Variants in FBN2 observed in about 807,000 individuals in gnomAD.
The protein encoded by FBN2 is fibrillin 2, also known as fibrillin-2.
Under a neutral mutation model 355.6 loss-of-function variants are expected in FBN2, and 105 were observed. The ratio of observed to expected loss-of-function variants is 0.30; its 90% CI spans 0.25 to 0.35. The LOEUF (loss-of-function observed/expected upper bound fraction) is 0.35. Among genes scored for constraint, FBN2 ranks in the 10% least tolerant of loss-of-function variants. The pLI is 1.00. For synonymous variants in FBN2, 1,350 were observed against 1,301.2 expected (o/e 1.04, Z -0.81); for missense variants, 3,280 against 3,758.7 (o/e 0.87, Z 3.33).
intron 20 of FBN2, among the ~76,000 whole-genome samples, chr5:128,355,658 A>T (rs962356807): frequency 1.3e-5 from 2 of 152,188 alleles, no homozygotes; most frequent in Non-Finnish European, 2.9e-5. Flanking sequence ...TGTCCTGTGT[A>T]TATTTTACTA....
intron 5 of FBN2, among the ~76,000 whole-genome samples, chr5:128,509,110 A>G (rs1028350913): frequency 2.0e-5 from 3 of 151,914 alleles, no homozygotes; most frequent in African/African-American, 7.2e-5. Flanking sequence ...GGATTCATTG[A>G]TCTTGGGTCT....
intron 5 of FBN2, among the ~76,000 whole-genome samples, chr5:128,485,911 TA>T (rs2127117168): frequency 6.6e-6 from 1 of 152,294 alleles, no homozygotes; most frequent in African/African-American, 2.4e-5. Flanking sequence ...TATTACACTT[TA>T]AAAGATCCCT....
chr5:128,519,065 C>T lies in FBN2; in HGVS notation c.628+208G>A, dbSNP rs6864831. On this transcript the variant is annotated intron_variant, in intron 5 of 64. Coordinates refer to ENST00000262464, the MANE Select transcript of FBN2 (RefSeq NM_001999.4). ...GAGCCATAGCCCCAGAGTTGGCCGC[C>T]CAAACTGAGTTCACTGGTGGAAAAA... Among the ~76,000 whole-genome samples the T allele has an allele frequency of 0.34, 51,804 of 151,918 alleles. 9,389 individuals are homozygous for T. Among genetic ancestry groups the T allele is most frequent in the African/African-American group, 0.47 (19,435 of 41,414 alleles).
intron 31 of FBN2, among the ~76,000 whole-genome samples, chr5:128,333,839 T>TCACACACACACACACACA (rs368334500): frequency 7.3e-5 from 9 of 122,852 alleles, no homozygotes; most frequent in African/African-American, 1.5e-4. Context: ...GATGCTGAAA[T>TCACACACACACACACACA]CACACACACA....
chr5:128,470,961 A>G (rs1213495504), intron 5 of FBN2, among the ~76,000 whole-genome samples: 1 of 152,210 alleles, frequency 6.6e-6, no homozygotes, highest in Non-Finnish European at 1.5e-5. Context: ...AGATAACGCC[A>G]TAAGGTATCA....
chr5:128,383,564 T>C (rs775225471), intron 11 of FBN2, among the ~76,000 whole-genome samples: 1 of 152,096 alleles, frequency 6.6e-6, no homozygotes, highest in Non-Finnish European at 1.5e-5. Flanking sequence ...GTGTAAATCA[T>C]ATATTTGATA....
Position 128,318,269 on chromosome 5 carries a change from T to C in FBN2, c.4597A>G (p.Ile1533Val). ...LDRTGGNCTD[I>V]DECADPINCV... Reference sequence around the variant, plus strand: ...TTTATAGGATCTGCACACTCATCAATATCTAGGAGAAGCATTTAAAATGCC... The same window carrying C: ...TTTATAGGATCTGCACACTCATCAACATCTAGGAGAAGCATTTAAAATGCC... The change falls in exon 36 of 65, where the codon ATT becomes GTT. Residue 1533 changes from isoleucine (I) to valine (V), a missense_variant and splice_region_variant. Ile to Val is a conservative substitution (Grantham distance 29). This residue lies in a region of FBN2 where 2,284 missense variants were observed against 2,749.5 expected (regional missense o/e 0.83). Transcript: ENST00000262464. 3.1e-6 allele frequency: 5 copies of C among 1,614,076 alleles called. No individual in the cohort carries two copies. Among genetic ancestry groups the C allele is most frequent in the Non-Finnish European group, 4.2e-6 (5 of 1,179,940 alleles).
chr5:128,502,574 C>T (rs1226223146), intron 5 of FBN2, among the ~76,000 whole-genome samples: 1 of 146,400 alleles, frequency 6.8e-6, no homozygotes, highest in Non-Finnish European at 1.5e-5. Context: ...AAAATTGAAT[C>T]AATCTATAGG....
intron 5 of FBN2, among the ~76,000 whole-genome samples, chr5:128,467,323 T>C (rs1754739828): frequency 6.6e-6 from 1 of 152,186 alleles, no homozygotes; most frequent in Non-Finnish European, 1.5e-5. Flanking sequence ...GCTTACATTT[T>C]ACTCCTTACA....
At chr5:128,488,355 A>T (rs1174182199) in intron 5 of FBN2, among the ~76,000 whole-genome samples, 4 of 152,034 alleles carry the variant, frequency 2.6e-5, no homozygotes, top group African/African-American at 9.7e-5. Flanking sequence ...ATTGTCCGTA[A>T]GTTTCAATCT....
chr5:128,500,460 T>TTTTTC (rs1561487039), intron 5 of FBN2, among the ~76,000 whole-genome samples: 3 of 112,100 alleles, frequency 2.7e-5, no homozygotes, highest in African/African-American at 8.4e-5. Flanking sequence ...TTTTTTTTTT[T>TTTTTC]CAGACAGGGT....
At chr5:128,286,906 T>C in intron 54 of FBN2, 57 bp from the exon 55 acceptor site, 2 of 1,546,476 alleles carry the variant, frequency 1.3e-6, no homozygotes, top group Admixed American at 3.5e-5. Flanking sequence ...TTTAGTACTT[T>C]TAAGTCACAG....
At chr5:128,300,573 T>C (rs1456396179) in intron 48 of FBN2, among the ~76,000 whole-genome samples, 1 of 152,226 alleles carries the variant, frequency 6.6e-6, no homozygotes, top group African/African-American at 2.4e-5. Flanking sequence ...AAAGATTAAT[T>C]AGCATATGCT....
chr5:128,518,519 G>A (rs948596106), intron 5 of FBN2, among the ~76,000 whole-genome samples: 4 of 152,120 alleles, frequency 2.6e-5, no homozygotes, highest in South Asian at 2.1e-4. Flanking sequence ...CTGCTGCAAC[G>A]ACAGGTCCTG....
chr5:128,288,598 G>C (rs1396541505), intron 52 of FBN2, 41 bp from the exon 53 acceptor site: 2 of 1,607,794 alleles, frequency 1.2e-6, no homozygotes, highest in Non-Finnish European at 1.7e-6. Context: ...AGATGTTTTA[G>C]TTTAACAGGA....
In FBN2 at chr5:128,453,997, C is replaced by CG. The variant is rs963497791; in HGVS notation, c.827-7392_827-7391insC. On this transcript the variant is annotated intron_variant, in intron 6 of 64. Transcript: ENST00000262464. ...AATACTCAGAAATGGCTTGCCCCCCCCCCAAGTTTCTCCTTCCATTACCCT... is the reference window on the plus strand; with the variant it reads ...AATACTCAGAAATGGCTTGCCCCCCCGCCCAAGTTTCTCCTTCCATTACCCT... Among the ~76,000 whole-genome samples, 17 of 151,542 alleles carry CG rather than the reference C, an allele frequency of 1.1e-4. 2 individuals are homozygous for CG. In the East Asian group the frequency reaches 2.0e-3, roughly 17 times the overall value.
rs371248509 is a variant in FBN2, at chr5:128,286,777, G to A, written c.6953C>T (p.Thr2318Ile). 2 of 1,613,950 alleles carry A rather than the reference G, an allele frequency of 1.2e-6. No individual in the cohort carries two copies. Among genetic ancestry groups the A allele is most frequent in the South Asian group, 1.1e-5 (1 of 91,088 alleles). ...TCCAGGAGGGCAGATGCACATGAAG[G>A]TGCCGATTAGATTCTTACACATCAT... ...RGMMCKNLIG[T>I]FMCICPPGMA... is the part of the protein sequence containing the mutation. The change falls in exon 55 of 65, where the codon ACC (threonine) becomes ATC (isoleucine). Residue 2318 changes from threonine to isoleucine, a missense_variant. Around this residue, in one of 6 missense-constraint regions of FBN2, gnomAD observed 2,284 missense variants for 2,749.5 expected, o/e 0.83. Coordinates refer to ENST00000262464, the MANE Select transcript of FBN2 (RefSeq NM_001999.4).
At chr5:128,517,984 T>C (rs369980259) in intron 5 of FBN2, among the ~76,000 whole-genome samples, 1 of 142,980 alleles carries the variant, frequency 7.0e-6, no homozygotes, top group Non-Finnish European at 1.6e-5. Context: ...ATGCTAGTTA[T>C]TTATCACATT....
At chr5:128,344,313 G>C (rs1561781109) in intron 25 of FBN2, 72 bp downstream of exon 25, 3 of 1,480,048 alleles carry the variant, frequency 2.0e-6, no homozygotes, top group East Asian at 4.5e-5. Flanking sequence ...TAGCTTTTTA[G>C]GGCAGTCCTT....
Sources: allele counts gnomAD v4.1 joint callset (sites outside exome capture counted in the v4.1 genomes callset), GRCh38; gene constraint gnomAD v4.1.1; regional missense constraint gnomAD v4.1.1; transcripts MANE v1.5; gene names NCBI Gene and HGNC (gene_info 2026-07-23, HGNC 2026-07-21).